Variants in CNTN3 observed in about 807,000 individuals in gnomAD.
The protein encoded by CNTN3 is contactin 3, also known as contactin-3.
CNTN3 carries 60 observed loss-of-function variants against 119.1 expected under a neutral mutation model. The ratio of observed to expected loss-of-function variants is 0.50; its 90% CI spans 0.41 to 0.62. The LOEUF (loss-of-function observed/expected upper bound fraction) is 0.62. CNTN3 is among the 20% of genes least tolerant of loss of function. The pLI is 0.00. For missense variants in CNTN3, 1,101 were observed against 1,242.4 expected (o/e 0.89, Z 1.71); for synonymous variants, 450 against 438.7 (o/e 1.03, Z -0.32).
Position 74,584,475 on chromosome 3 carries a change from T to G in CNTN3, c.-81+29916A>C, listed in dbSNP as rs188607418. Among the ~76,000 whole-genome samples the G allele has an allele frequency of 1.1e-3, 172 of 152,196 alleles. 1 individual carries two copies. The highest frequency in any genetic ancestry group is 2.2e-3 in the Non-Finnish European group (150 of 68,004). ...CTGAGGGTAACGAGTGAGTTCTTGC[T>G]TCCTTCTACTCTCACCATGTGACGT... On this transcript the variant is annotated intron_variant, in intron 1 of 22. Transcript: ENST00000263665.
intron 20 of CNTN3, among the ~76,000 whole-genome samples, chr3:74,269,172 T>G (rs1203135843): frequency 6.6e-6 from 1 of 152,096 alleles, no homozygotes; most frequent in African/African-American, 2.4e-5. Flanking sequence ...TGTTTTGCTA[T>G]TTAAAAAAAT....
chr3:74,471,331 C>G (rs961068106), intron 4 of CNTN3, among the ~76,000 whole-genome samples: 7 of 152,018 alleles, frequency 4.6e-5, no homozygotes, highest in African/African-American at 1.7e-4. Flanking sequence ...TAACCCAGAA[C>G]TTAAAGTATA....
intron 4 of CNTN3, among the ~76,000 whole-genome samples, chr3:74,444,003 C>A (rs1702007701): frequency 6.6e-6 from 1 of 152,150 alleles, no homozygotes; most frequent in Non-Finnish European, 1.5e-5. Context: ...AGGGATTCTT[C>A]CTTGCCTTTT....
intron 13 of CNTN3, among the ~76,000 whole-genome samples, chr3:74,318,510 T>A (rs563489282): frequency 2.0e-5 from 3 of 151,932 alleles, no homozygotes; most frequent in Non-Finnish European, 4.4e-5. Flanking sequence ...TACAGAGGGG[T>A]TTTTGGTGTG....
chr3:74,306,334 C>T (rs767897300), intron 13 of CNTN3, among the ~76,000 whole-genome samples: 1 of 150,456 alleles, frequency 6.6e-6, no homozygotes, highest in African/African-American at 2.4e-5. Flanking sequence ...TAATAAGAAA[C>T]ATATTTGCCA....
At chr3:74,542,045 C>A (rs1211491567) in intron 1 of CNTN3, among the ~76,000 whole-genome samples, 1 of 151,658 alleles carries the variant, frequency 6.6e-6, no homozygotes, top group Non-Finnish European at 1.5e-5. Flanking sequence ...CTAGCCTGGA[C>A]AACATAGCAA....
intron 12 of CNTN3, among the ~76,000 whole-genome samples, chr3:74,336,255 TA>T (rs925069150): frequency 1.1e-4 from 16 of 151,380 alleles, no homozygotes; most frequent in East Asian, 7.8e-4. Context: ...GAATTTTATT[TA>T]AAAAAAAATA....
rs1701869973 is a variant in CNTN3 at position 74,275,910 on chromosome 3, A to G, written c.2705-8532T>C. ...CCTTCAGGAGACTCACCTAACACAT[A>G]GGGACTCACATGAAAACTTAAAGTA... On this transcript the variant is annotated intron_variant, in intron 20 of 22. Coordinates refer to ENST00000263665, the MANE Select transcript of CNTN3 (RefSeq NM_020872.3). Among the ~76,000 whole-genome samples the G allele has an allele frequency of 2.6e-5, 4 of 152,152 alleles. No individual in the cohort carries two copies. In the South Asian group the frequency reaches 6.2e-4, roughly 24 times the overall value.
chr3:74,549,764 C>T (rs920421916), intron 1 of CNTN3, among the ~76,000 whole-genome samples: 1 of 152,128 alleles, frequency 6.6e-6, no homozygotes, highest in African/African-American at 2.4e-5. Context: ...GTGCAAGTGA[C>T]CCTTCTCATG....
intron 4 of CNTN3, among the ~76,000 whole-genome samples, chr3:74,472,831 AT>A (rs1405095615): frequency 6.6e-6 from 1 of 152,184 alleles, no homozygotes; most frequent in Non-Finnish European, 1.5e-5. Context: ...TGAAATTTGC[AT>A]TTTTAGCCAC....
chr3:74,364,344 T>C, intron 10 of CNTN3, 123 bp downstream of exon 10: 1 of 891,792 alleles, frequency 1.1e-6, no homozygotes, highest in Non-Finnish European at 1.7e-6. Flanking sequence ...ATGATCGTGT[T>C]GTAATACTGT....
At chr3:74,604,744 G>C (rs1320418647) in intron 1 of CNTN3, among the ~76,000 whole-genome samples, 3 of 151,958 alleles carry the variant, frequency 2.0e-5, no homozygotes, top group African/African-American at 7.2e-5. Flanking sequence ...CAGTATGGAG[G>C]GTCCTCAAAT....
intron 1 of CNTN3, among the ~76,000 whole-genome samples, chr3:74,562,023 G>A (rs927199372): frequency 2.0e-5 from 3 of 152,202 alleles, no homozygotes; most frequent in East Asian, 1.9e-4. Context: ...CAGGAGGTAC[G>A]AAGTATGCTG....
At chr3:74,329,627 C>T (rs1032265180) in intron 13 of CNTN3, among the ~76,000 whole-genome samples, 2 of 152,122 alleles carry the variant, frequency 1.3e-5, no homozygotes, top group African/African-American at 4.8e-5. Flanking sequence ...CTTAAATTAC[C>T]AGGCCCTAGG....
intron 1 of CNTN3, among the ~76,000 whole-genome samples, chr3:74,552,280 G>C (rs377083784): frequency 6.6e-6 from 1 of 152,194 alleles, no homozygotes. Context: ...ATTTTCGTGT[G>C]GACATAAGTT....
intron 11 of CNTN3, among the ~76,000 whole-genome samples, chr3:74,338,496 G>T (rs1206524050): frequency 8.3e-5 from 1 of 12,096 alleles, no homozygotes; most frequent in Non-Finnish European, 1.2e-4. Context: ...ACACACGTGC[G>T]TGTGTGTGTG....
chr3:74,375,363 T>C (rs1347545140), intron 5 of CNTN3, among the ~76,000 whole-genome samples: 5 of 152,074 alleles, frequency 3.3e-5, no homozygotes, highest in Non-Finnish European at 7.4e-5. Flanking sequence ...GAGATTCAAA[T>C]GTAAGCTTAA....
chr3:74,374,451 A>G lies in CNTN3; in HGVS notation c.455-3052T>C, dbSNP rs116104538. ...TCTCCTCCCTGTTGAATTCTGAAAG[A>G]ATGCCCATTTTCATTGACTTCCTTT... On this transcript the variant is annotated intron_variant, in intron 5 of 22. Transcript: ENST00000263665. Among the ~76,000 whole-genome samples, 659 of 152,116 alleles carry G rather than the reference A, an allele frequency of 4.3e-3. 4 individuals carry two copies. Among genetic ancestry groups the G allele is most frequent in the African/African-American group, 0.015 (617 of 41,480 alleles).
intron 2 of CNTN3, among the ~76,000 whole-genome samples, chr3:74,503,186 T>C (rs1158161212): frequency 6.6e-6 from 1 of 152,156 alleles, no homozygotes; most frequent in Non-Finnish European, 1.5e-5. Flanking sequence ...CTAGTCCTCA[T>C]ATTCTTGGTT....
Sources: allele counts gnomAD v4.1 joint callset (sites outside exome capture counted in the v4.1 genomes callset), GRCh38; gene constraint gnomAD v4.1.1; transcripts MANE v1.5; gene names NCBI Gene and HGNC (gene_info 2026-07-23, HGNC 2026-07-21).